Variants in KLHL5 observed in about 807,000 individuals in gnomAD.
KLHL5 encodes the protein kelch-like protein 5.
Under a neutral mutation model 77.7 loss-of-function variants are expected in KLHL5, and 48 were observed. That is an observed-to-expected ratio of 0.62 (90% CI 0.49 to 0.79). The LOEUF is 0.79. Ranked by LOEUF, KLHL5 falls within the 30% of genes least tolerant of loss-of-function variation. The pLI, the probability that KLHL5 is intolerant of heterozygous loss-of-function variation, is 0.00. For missense variants in KLHL5, 723 were observed against 859.7 expected (o/e 0.84, Z 1.99); for synonymous variants, 260 against 297.0 (o/e 0.88, Z 1.28).
intron 1 of KLHL5, 45 bp from the exon 2 acceptor site, chr4:39,075,920 A>T: frequency 6.6e-7 from 1 of 1,506,014 alleles, no homozygotes; most frequent in Non-Finnish European, 9.1e-7. Flanking sequence ...GATCTTTTTA[A>T]TGTGATAGTG....
chr4:39,103,114 G>A (rs1322347449), intron 6 of KLHL5, among the ~76,000 whole-genome samples, 173 bp from the exon 7 acceptor site: 2 of 152,118 alleles, frequency 1.3e-5, no homozygotes, highest in Non-Finnish European at 2.9e-5. Context: ...GAGAATAGTA[G>A]GAGATGAGGA....
chr4:39,070,890 A>G (rs547839750), intron 1 of KLHL5, among the ~76,000 whole-genome samples: 3 of 150,458 alleles, frequency 2.0e-5, no homozygotes, highest in Non-Finnish European at 3.0e-5. Flanking sequence ...AGACATTTCA[A>G]TTCTCACCTA....
chr4:39,044,827 A>C, upstream of KLHL5: 1 of 408,194 alleles, frequency 2.4e-6, no homozygotes, highest in Non-Finnish European at 3.3e-6. Context: ...CTGACGGGCT[A>C]ACCGGTCCCC....
intron 2 of KLHL5, among the ~76,000 whole-genome samples, chr4:39,077,763 A>G (rs1384809244): frequency 2.6e-5 from 4 of 151,808 alleles, no homozygotes; most frequent in Non-Finnish European, 5.9e-5. Flanking sequence ...TGATCCAGCA[A>G]TCCCACTACT....
intron 1 of KLHL5, among the ~76,000 whole-genome samples, chr4:39,074,275 A>G (rs750782740): frequency 2.0e-5 from 3 of 152,224 alleles, no homozygotes; most frequent in Non-Finnish European, 2.9e-5. Flanking sequence ...TGGTACTGAA[A>G]ATACATTGGA....
downstream of KLHL5, among the ~76,000 whole-genome samples, chr4:39,129,555 A>T (rs1440528683): frequency 2.6e-5 from 4 of 152,238 alleles, no homozygotes; most frequent in East Asian, 3.9e-4. This position sits in a 1 kb window ranked among gnomAD's most constrained non-coding sequence, Gnocchi z 4.2. Flanking sequence ...GGTTTGTTAC[A>T]TAGGTATATT....
chr4:39,136,625 C>T, the KLHL5 span, among the ~76,000 whole-genome samples: 1 of 152,082 alleles, frequency 6.6e-6, no homozygotes, highest in African/African-American at 2.4e-5. Flanking sequence ...GGTCTCAGAC[C>T]CCCATCAGAG....
chr4:39,062,357 G>C lies in KLHL5; in HGVS notation c.-296G>C. On this transcript the variant is annotated 5_prime_UTR_variant, in exon 1 of 11. Transcript: ENST00000504108. ...TTTGTGAGACCTAATGGTCAGTATGGGAAAGGAGAGCCGGGAAAGTGGTCT... is the reference window on the plus strand; with the variant it reads ...TTTGTGAGACCTAATGGTCAGTATGCGAAAGGAGAGCCGGGAAAGTGGTCT... 7.0e-7 allele frequency: 1 copy of C among 1,434,738 alleles called. No individual in the cohort carries two copies. Among genetic ancestry groups the C allele is most frequent in the Non-Finnish European group, 9.1e-7 (1 of 1,100,930 alleles). 88.9% of individuals were successfully genotyped at this position (1,434,738 alleles called of 1,614,324 possible). A position where few individuals can be genotyped will look rare whatever the true frequency, so the allele number is the denominator to read the frequency against.
At chr4:39,054,670 G>GT (rs1423181005) in intron 1 of KLHL5, among the ~76,000 whole-genome samples, 3 of 152,216 alleles carry the variant, frequency 2.0e-5, no homozygotes, top group African/African-American at 7.2e-5. Context: ...TCTTTCTGCT[G>GT]TGTCACTTAG....
intron 8 of KLHL5, chr4:39,112,580 CAT>C (rs1722521765): frequency 5.9e-6 from 1 of 170,840 alleles, no homozygotes; most frequent in Non-Finnish European, 1.3e-5. Flanking sequence ...TAAATCGGTA[CAT>C]GTGAAGTGCC....
At chr4:39,051,148 A>G (rs1169284995) in intron 1 of KLHL5, among the ~76,000 whole-genome samples, 1 of 152,216 alleles carries the variant, frequency 6.6e-6, no homozygotes, top group African/African-American at 2.4e-5. Flanking sequence ...TGCTATTATC[A>G]TATCTCTTCA....
chr4:39,077,006 A>G (rs1409666358), intron 2 of KLHL5, among the ~76,000 whole-genome samples: 1 of 151,972 alleles, frequency 6.6e-6, no homozygotes, highest in African/African-American at 2.4e-5. Flanking sequence ...AGAGGGAGAA[A>G]ATATTCACAA....
intron 1 of KLHL5, among the ~76,000 whole-genome samples, chr4:39,066,523 T>C (rs770996007): frequency 3.9e-5 from 6 of 152,190 alleles, no homozygotes; most frequent in Non-Finnish European, 5.9e-5. Flanking sequence ...TTTTCAACTT[T>C]ACGATGATGG....
chr4:39,121,374 T>G lies in KLHL5; in HGVS notation c.*308T>G, dbSNP rs1471647585. ...AGTGCTAACTGGGGGTTTCATTTAT[T>G]CAGTCAAGCACATCTTACTCACATC... On this transcript the variant is annotated 3_prime_UTR_variant, in exon 11 of 11. Transcript: ENST00000504108. The G allele has an allele frequency of 3.0e-6, 1 of 328,308 alleles. No homozygotes were observed. Among genetic ancestry groups the G allele is most frequent in the Non-Finnish European group, 5.6e-6 (1 of 177,522 alleles). 20.3% of individuals were successfully genotyped at this position (328,308 alleles called of 1,614,324 possible). A position where few individuals can be genotyped will look rare whatever the true frequency, so the allele number is the denominator to read the frequency against.
At chr4:39,080,442 C>T (rs899871359) in intron 2 of KLHL5, among the ~76,000 whole-genome samples, 3 of 151,730 alleles carry the variant, frequency 2.0e-5, no homozygotes, top group African/African-American at 7.3e-5. Context: ...AGGAGAATTG[C>T]TTGAACCTGG....
Position 39,062,551 on chromosome 4 carries a change from G to C in KLHL5, c.-102G>C, listed in dbSNP as rs10452137. ...TTATTTTCCTTTACATATTTTTGTT[G>C]TGTACAGCAGGGCATATACTTCTCT... On this transcript the variant is annotated 5_prime_UTR_variant, in exon 1 of 11. Transcript: ENST00000504108. The C allele has an allele frequency of 3.7e-6, 6 of 1,612,416 alleles. No individual in the cohort carries two copies. In the African/African-American group the frequency reaches 6.7e-5, roughly 18 times the overall value.
At chr4:39,094,374 T>C (rs1032588859) in intron 5 of KLHL5, among the ~76,000 whole-genome samples, 2 of 151,544 alleles carry the variant, frequency 1.3e-5, no homozygotes, top group African/African-American at 4.8e-5. Context: ...GAAAGGCTTC[T>C]TGAACAGAAA....
chr4:39,135,581 C>G, the KLHL5 span: 1 of 152,300 alleles, frequency 6.6e-6, no homozygotes, highest in Non-Finnish European at 1.5e-5. Flanking sequence ...GTAATGAAGA[C>G]TGGATTTGTA....
At chr4:39,136,835 T>A in the KLHL5 span, among the ~76,000 whole-genome samples, 1 of 152,112 alleles carries the variant, frequency 6.6e-6, no homozygotes, top group South Asian at 2.1e-4. Context: ...AGCACCCCTG[T>A]GCATGGTGTG....
Sources: gnomAD v4.1 joint callset for allele counts (sites outside exome capture counted in the v4.1 genomes callset) on GRCh38, gnomAD v4.1.1 for gene constraint, Gnocchi (gnomAD v3.1) non-coding constraint, MANE v1.5 for transcripts, NCBI Gene and HGNC (gene_info 2026-07-23, HGNC 2026-07-21) for gene names.